Variants in TENM3 observed in about 807,000 individuals in gnomAD.
TENM3 encodes the protein teneurin transmembrane protein 3.
Under a neutral mutation model 255.1 loss-of-function variants are expected in TENM3, and 63 were observed. The ratio of observed to expected loss-of-function variants is 0.25; its 90% CI spans 0.20 to 0.30. The LOEUF is 0.30. Ranked by LOEUF, TENM3 falls within the 10% of genes least tolerant of loss-of-function variation. The pLI is 1.00. For synonymous variants in TENM3, 1,306 were observed against 1,322.3 expected, an observed-to-expected ratio of 0.99 and a Z score of 0.27; for missense variants, 2,929 against 3,461.1, an observed-to-expected ratio of 0.85 and a Z score of 3.86.
intron 1 of TENM3, among the ~76,000 whole-genome samples, chr4:182,182,800 T>C (rs967165120): frequency 2.6e-5 from 4 of 152,340 alleles, no homozygotes; most frequent in African/African-American, 7.2e-5. Flanking sequence ...GTGTAAAAAG[T>C]ACCTACAAGG....
intron 3 of TENM3, among the ~76,000 whole-genome samples, chr4:182,472,539 G>A (rs1481460796): frequency 6.6e-6 from 1 of 151,986 alleles, no homozygotes; most frequent in African/African-American, 2.4e-5. Flanking sequence ...GGTTTTCTTT[G>A]CCTCTTACAT....
intron 22 of TENM3, among the ~76,000 whole-genome samples, chr4:182,770,212 T>C (rs1299426553): frequency 6.6e-6 from 1 of 151,916 alleles, no homozygotes; most frequent in Admixed American, 6.6e-5. Flanking sequence ...GAGTAACGGG[T>C]AGTAGTTTTT....
At chr4:182,019,337 G>A in the TENM3 span, among the ~76,000 whole-genome samples, 1 of 152,074 alleles carries the variant, frequency 6.6e-6, no homozygotes, top group Non-Finnish European at 1.5e-5. Context: ...TGCACCCAGC[G>A]CCACTGGTCA....
chr4:182,243,778 G>A (rs764885052), intron 1 of TENM3, among the ~76,000 whole-genome samples: 5 of 152,078 alleles, frequency 3.3e-5, no homozygotes, highest in Middle Eastern at 3.4e-3. Context: ...TCACATCAGC[G>A]AAATAATTTT....
intron 3 of TENM3, among the ~76,000 whole-genome samples, chr4:182,450,433 T>C (rs1417864846): frequency 6.6e-6 from 1 of 152,140 alleles, no homozygotes; most frequent in Non-Finnish European, 1.5e-5. Context: ...TCCCAGGTAT[T>C]AAAATGCGAC....
the TENM3 span, among the ~76,000 whole-genome samples, chr4:181,796,754 C>T: frequency 1.0e-3 from 155 of 152,286 alleles, 1 homozygote; most frequent in African/African-American, 3.4e-3. Context: ...GTTTGGAACC[C>T]GTCCAGAACA....
At chr4:182,130,309 G>C in the TENM3 span, among the ~76,000 whole-genome samples, 1 of 152,222 alleles carries the variant, frequency 6.6e-6, no homozygotes, top group South Asian at 2.1e-4. Context: ...TCCATTAGTG[G>C]TATTGTCACC....
chr4:182,722,921 A>G (rs192498644), intron 13 of TENM3, among the ~76,000 whole-genome samples: 5 of 152,344 alleles, frequency 3.3e-5, no homozygotes, highest in Non-Finnish European at 7.3e-5. Flanking sequence ...AAAAAGGAAG[A>G]GACGAGGAGT....
At chr4:182,540,547 A>G (rs1438735393) in intron 3 of TENM3, among the ~76,000 whole-genome samples, 7 of 152,222 alleles carry the variant, frequency 4.6e-5, no homozygotes, top group African/African-American at 1.4e-4. Flanking sequence ...AGATCACGCC[A>G]TTGCACTCCA....
At chr4:181,467,084 CGT>C in the TENM3 span, among the ~76,000 whole-genome samples, 1,348 of 57,844 alleles carry the variant, frequency 0.023, 69 homozygotes, top group African/African-American at 0.052. Context: ...TGTGTGTGTG[CGT>C]GTGTGTGTGT....
the TENM3 span, among the ~76,000 whole-genome samples, chr4:182,027,576 T>TA: frequency 6.6e-6 from 1 of 151,504 alleles, no homozygotes; most frequent in Non-Finnish European, 1.5e-5. Context: ...CTTTCCTTTT[T>TA]TTTTTCTATT....
the TENM3 span, among the ~76,000 whole-genome samples, chr4:181,580,154 T>G: frequency 6.6e-6 from 1 of 151,878 alleles, no homozygotes; most frequent in African/African-American, 2.4e-5. Flanking sequence ...TGTGCCACCA[T>G]GCCTGGCTAA....
At chr4:182,770,817 T>C (rs1428602857) in intron 22 of TENM3, among the ~76,000 whole-genome samples, 1 of 152,186 alleles carries the variant, frequency 6.6e-6, no homozygotes, top group Non-Finnish European at 1.5e-5. Flanking sequence ...TCTGAAACTG[T>C]TGGGTGCCGG....
the TENM3 span, among the ~76,000 whole-genome samples, chr4:181,735,366 T>C: frequency 2.6e-5 from 4 of 152,186 alleles, no homozygotes; most frequent in South Asian, 4.1e-4. Context: ...CCCATACAAT[T>C]TGATGCTTGT....
chr4:181,720,069 G>T, the TENM3 span, among the ~76,000 whole-genome samples: 2 of 152,048 alleles, frequency 1.3e-5, no homozygotes, highest in South Asian at 2.1e-4. Flanking sequence ...TTGTGAAGCT[G>T]GATCATATAT....
the TENM3 span, among the ~76,000 whole-genome samples, chr4:182,099,645 C>T: frequency 3.3e-5 from 5 of 152,156 alleles, no homozygotes; most frequent in African/African-American, 1.2e-4. Flanking sequence ...CCCAAGGCTG[C>T]TTTTGTACTA....
At chr4:182,107,784 A>T in the TENM3 span, among the ~76,000 whole-genome samples, 1 of 152,128 alleles carries the variant, frequency 6.6e-6, no homozygotes, top group Admixed American at 6.6e-5. Flanking sequence ...CTTTTTCCTT[A>T]TGATGCTTAA....
At chr4:181,706,360 A>G in the TENM3 span, among the ~76,000 whole-genome samples, 4 of 152,242 alleles carry the variant, frequency 2.6e-5, no homozygotes, top group East Asian at 7.7e-4. Context: ...TAGGGCTTCA[A>G]TATGCGGGGA....
chr4:182,693,298 T>C (rs1383884001), intron 12 of TENM3, among the ~76,000 whole-genome samples: 1 of 152,124 alleles, frequency 6.6e-6, no homozygotes, highest in Non-Finnish European at 1.5e-5. Flanking sequence ...TTTAGGTCAG[T>C]TTTACAATTT....
Sources: gnomAD v4.1 joint callset for allele counts (sites outside exome capture counted in the v4.1 genomes callset) on GRCh38, gnomAD v4.1.1 for gene constraint, MANE v1.5 for transcripts, NCBI Gene and HGNC (gene_info 2026-07-23, HGNC 2026-07-21) for gene names.